The following SPATA1 variants were observed in gnomAD, a reference collection of about 807,000 sequenced individuals.
SPATA1 encodes the protein spermatogenesis associated 1.
In SPATA1, 57 loss-of-function variants were observed where a neutral mutation model predicts 59.6. The observed-to-expected ratio is 0.96, with a 90% CI of 0.77 to 1.19. The LOEUF (loss-of-function observed/expected upper bound fraction) is 1.19, where lower values mean the gene tolerates loss of function less well. Ranked by LOEUF, SPATA1 falls within the 50% of genes most tolerant of loss-of-function variation. The probability of loss-of-function intolerance (pLI) is 0.00; values close to 1 mark genes in which losing one functional copy is unlikely to be tolerated. For missense variants in SPATA1, 448 were observed against 480.7 expected (o/e 0.93, Z 0.64); for synonymous variants, 147 against 163.9 (o/e 0.90, Z 0.79).
At chr1:84,531,310 G>A (rs374867386) in intron 6 of SPATA1, among the ~76,000 whole-genome samples, 8 of 151,320 alleles carry the variant, frequency 5.3e-5, no homozygotes, top group East Asian at 3.9e-4. Context: ...TTACAGGCAC[G>A]TGCCACCACA....
At position 84,553,293 on chromosome 1, in the gene SPATA1, T is replaced by C. The variant is rs1036872850; in HGVS notation, c.*169T>C. The C allele has an allele frequency of 1.0e-4, 40 of 389,830 alleles. No homozygotes were observed. The South Asian group carries it at 1.3e-3, about 13-fold the overall frequency. The allele number at this position is 389,830 out of a possible 1,614,324, so 24.1% of individuals were successfully genotyped here. A position where few individuals can be genotyped will look rare whatever the true frequency, so the allele number is the denominator to read the frequency against. ...GTTTCAGGAAATATTAGATGTAATA[T>C]AAAGCAAAATGATGAATGGTTATTT... is the stretch of plus-strand genomic sequence containing the variant. On this transcript the variant is annotated 3_prime_UTR_variant, in exon 13 of 13. Coordinates refer to ENST00000490879, the Ensembl canonical transcript of SPATA1.
At chr1:84,522,451 G>T (rs758365730) in exon 4 of SPATA1, 1 of 1,549,142 alleles carries the variant, frequency 6.5e-7, no homozygotes, top group Admixed American at 1.8e-5. Flanking sequence ...CCTGGGTGAA[G>T]ATGCTATTGC....
rs528591322 is a variant in SPATA1, at chr1:84,539,114, A to G, written c.718-5088A>G. On this transcript the variant is annotated intron_variant, in intron 8 of 12. Coordinates refer to ENST00000490879, the Ensembl canonical transcript of SPATA1. ...CTGCACCCAGCTCACTAGTGTTTTA[A>G]TGTCTGTCCAGATTATCCAGTGATG... 2.0e-5 allele frequency among the ~76,000 whole-genome samples: 3 copies of G among 152,226 alleles called. No homozygotes were observed. In the East Asian group the frequency reaches 5.8e-4, roughly 30 times the overall value.
At position 84,565,893 on chromosome 1, in the gene SPATA1, G is replaced by T. The variant is rs114528495; in HGVS notation, n.475G>T. ...TGGCTGCTGCAATACATTCTGACCA[G>T]ATCTGACTTTGTTCATCATAAGACA... On this transcript the variant is annotated non_coding_transcript_exon_variant, in exon 5 of 5. Transcript: ENST00000460286. The T allele has an allele frequency of 8.8e-3, 14,033 of 1,593,220 alleles. 90 individuals are homozygous for T. Among genetic ancestry groups the T allele is most frequent in the Non-Finnish European group, 0.01 (11,818 of 1,170,860 alleles).
intron 10 of SPATA1, among the ~76,000 whole-genome samples, chr1:84,546,993 A>G (rs909417716): frequency 2.0e-5 from 3 of 152,106 alleles, no homozygotes; most frequent in Non-Finnish European, 2.9e-5. Flanking sequence ...TGAGGATTAT[A>G]AGGATAAAAG....
At chr1:84,523,054 G>A (rs1196548890) in intron 4 of SPATA1, among the ~76,000 whole-genome samples, 2 of 151,886 alleles carry the variant, frequency 1.3e-5, no homozygotes, top group Admixed American at 1.3e-4. Flanking sequence ...ACAGGCATGC[G>A]ACACCACGCC....
chr1:84,564,117 A>G (rs1241160997), intron 4 of SPATA1, among the ~76,000 whole-genome samples: 1 of 152,252 alleles, frequency 6.6e-6, no homozygotes, highest in African/African-American at 2.4e-5. Flanking sequence ...ACATTTCAGG[A>G]AAGTATGCTA....
intron 4 of SPATA1, among the ~76,000 whole-genome samples, chr1:84,565,071 CAT>C (rs1284774216): frequency 2.6e-5 from 4 of 151,480 alleles, no homozygotes; most frequent in Non-Finnish European, 5.9e-5. Context: ...ATTAGCTGGG[CAT>C]GGTGGCATGC....
chr1:84,509,114 C>G (rs2101903802), intron 1 of SPATA1, among the ~76,000 whole-genome samples: 1 of 151,908 alleles, frequency 6.6e-6, no homozygotes, highest in East Asian at 1.9e-4. Flanking sequence ...ACCAAAGTTA[C>G]CCTGAGCCAA....
intron 1 of SPATA1, among the ~76,000 whole-genome samples, chr1:84,510,310 A>G (rs180970800): frequency 5.8e-4 from 89 of 152,342 alleles, no homozygotes; most frequent in Non-Finnish European, 8.5e-4. Flanking sequence ...ACTATATAGG[A>G]AAAAAATCTA....
intron 8 of SPATA1, among the ~76,000 whole-genome samples, chr1:84,543,520 G>GC (rs1683980344): frequency 1.3e-5 from 2 of 152,146 alleles, no homozygotes; most frequent in African/African-American, 4.8e-5. Context: ...GGAGGAAGGA[G>GC]TGGGGGAGAT....
chr1:84,563,248 A>G, intron 4 of SPATA1: 1 of 1,450,984 alleles, frequency 6.9e-7, no homozygotes, highest in Non-Finnish European at 9.1e-7. Flanking sequence ...AACTTACGAA[A>G]AGTCTTACTT....
intron 1 of SPATA1, among the ~76,000 whole-genome samples, chr1:84,513,459 C>T (rs1419856969): frequency 2.0e-5 from 3 of 152,278 alleles, no homozygotes; most frequent in East Asian, 3.9e-4. Flanking sequence ...TTTAATTAGC[C>T]TCTCATGGTT....
chr1:84,532,796 C>A (rs1024937707), intron 6 of SPATA1, 64 bp from the exon 7 acceptor site: 1 of 1,149,648 alleles, frequency 8.7e-7, no homozygotes, highest in Non-Finnish European at 1.3e-6. Context: ...TAAAAACAAA[C>A]GTTTATTTTA....
At chr1:84,515,107 CTA>C (rs1242881557) in intron 1 of SPATA1, among the ~76,000 whole-genome samples, 1 of 152,114 alleles carries the variant, frequency 6.6e-6, no homozygotes, top group Non-Finnish European at 1.5e-5. Flanking sequence ...AGATTATTAA[CTA>C]ATTCTTATCT....
chr1:84,554,896 T>G, downstream of SPATA1: 1 of 835,250 alleles, frequency 1.2e-6, no homozygotes, highest in Non-Finnish European at 1.9e-6. Context: ...TTTTTTTTAG[T>G]ATACGGATAA....
exon 13 of SPATA1, chr1:84,553,514 T>C (rs1684337763): frequency 6.6e-6 from 1 of 152,372 alleles, no homozygotes; most frequent in African/African-American, 2.4e-5. Flanking sequence ...TTCATTTAAC[T>C]TAATTTGTTC....
rs550789258 is a variant in SPATA1, at chr1:84,524,238, T to G, written c.262-1458T>G. Among the ~76,000 whole-genome samples, 6 of 152,188 alleles carry G rather than the reference T, an allele frequency of 3.9e-5. No individual in the cohort carries two copies. In the East Asian group the frequency reaches 1.2e-3, roughly 29 times the overall value. On this transcript the variant is annotated intron_variant, in intron 4 of 12. Coordinates refer to ENST00000490879, the Ensembl canonical transcript of SPATA1. ...AGAGAAAATAGGTTAAGCACAGAAG[T>G]AGAAATGCAGACAACTCAGAAATAA...
intron 8 of SPATA1, among the ~76,000 whole-genome samples, chr1:84,540,265 A>G (rs1346488544): frequency 1.3e-5 from 2 of 151,694 alleles, no homozygotes; most frequent in Non-Finnish European, 2.9e-5. Context: ...TTTATTTTAT[A>G]TTTACTGTGT....
Sources: gnomAD v4.1 joint callset for allele counts (sites outside exome capture counted in the v4.1 genomes callset) on GRCh38, gnomAD v4.1.1 for gene constraint, MANE v1.5 for transcripts, NCBI Gene and HGNC (gene_info 2026-07-23, HGNC 2026-07-21) for gene names.